Variants in ANKRD44 observed in about 807,000 individuals in gnomAD.
ANKRD44 encodes ankyrin repeat domain 44, also known as serine/threonine-protein phosphatase 6 regulatory ankyrin repeat subunit B.
A neutral mutation model predicts 116.0 loss-of-function variants in ANKRD44; 35 were observed. The ratio of observed to expected loss-of-function variants is 0.30; its 90% CI spans 0.23 to 0.40. The LOEUF (loss-of-function observed/expected upper bound fraction) is 0.40, where lower values mean the gene tolerates loss of function less well. Ranked by LOEUF, ANKRD44 falls within the 10% of genes least tolerant of loss-of-function variation. The probability of loss-of-function intolerance (pLI) is 1.00; values close to 1 mark genes in which losing one functional copy is unlikely to be tolerated. For missense variants in ANKRD44, 1,014 were observed against 1,242.6 expected (o/e 0.82, Z 2.77); for synonymous variants, 435 against 461.8 (o/e 0.94, Z 0.74).
intron 9 of ANKRD44, among the ~76,000 whole-genome samples, chr2:197,103,772 T>A (rs2078360373): frequency 6.6e-6 from 1 of 152,204 alleles, no homozygotes; most frequent in Non-Finnish European, 1.5e-5. Flanking sequence ...ATCTATAAAT[T>A]CACTGACTAT....
chr2:197,081,352 A>G (rs975248614), intron 15 of ANKRD44, among the ~76,000 whole-genome samples: 5 of 152,224 alleles, frequency 3.3e-5, no homozygotes, highest in African/African-American at 1.2e-4. Context: ...TCCTTGGTAC[A>G]TGATGCATCG....
chr2:196,975,825 G>T (rs1391089235), intron 21 of ANKRD44, among the ~76,000 whole-genome samples: 2 of 143,176 alleles, frequency 1.4e-5, no homozygotes, highest in African/African-American at 2.6e-5. Flanking sequence ...AAGAAAGAAA[G>T]AAAGAAAGAA....
chr2:197,268,695 A>G (rs182745592), intron 1 of ANKRD44, among the ~76,000 whole-genome samples: 17 of 152,192 alleles, frequency 1.1e-4, no homozygotes, highest in African/African-American at 3.6e-4. Flanking sequence ...GGTGAATGGG[A>G]TAAGGAGGGG....
chr2:197,260,230 C>T (rs1427292859), intron 1 of ANKRD44, among the ~76,000 whole-genome samples: 1 of 140,558 alleles, frequency 7.1e-6, no homozygotes, highest in Non-Finnish European at 1.6e-5. Flanking sequence ...GCTATCCTCC[C>T]CACTCCCCCC....
intron 1 of ANKRD44, among the ~76,000 whole-genome samples, chr2:197,257,448 C>A (rs759621789): frequency 2.0e-5 from 3 of 150,270 alleles, no homozygotes; most frequent in Non-Finnish European, 3.0e-5. Flanking sequence ...TATAAAACTT[C>A]GGGGAAAAAA....
rs761254223 is a variant in ANKRD44, at chr2:196,996,570, T to TA, written c.2749-1110dup. ...ATTCTGAGGCACTGCTGTTGGAAGGTAAACTGTTGTGACCTCGTAAGAGGG... is the reference window on the plus strand; with the variant it reads ...ATTCTGAGGCACTGCTGTTGGAAGGTAAAACTGTTGTGACCTCGTAAGAGGG... On this transcript the variant is annotated intron_variant, in intron 25 of 27. Coordinates refer to ENST00000282272, the MANE Select transcript of ANKRD44 (RefSeq NM_001195144.2). 1.1e-4 allele frequency among the ~76,000 whole-genome samples: 16 copies of TA among 152,300 alleles called. No individual in the cohort carries two copies. In the East Asian group the frequency reaches 1.5e-3, roughly 15 times the overall value.
chr2:197,005,731 G>A lies in ANKRD44; in HGVS notation c.2310C>T (p.Asn770=). Residue 770 remains asparagine, a synonymous_variant, in exon 21 of 28, where the codon AAC becomes AAT. Transcript: ENST00000282272. ...LSEEDCCFKD[N]QGYTPLHWAC... ...CCCAGTGCAGCGGCGTGTAGCCTTG[G>A]TTATCTTTGAAACAACAGTCCTCCT... The A allele has an allele frequency of 6.2e-7, 1 of 1,614,232 alleles. No homozygotes were observed. The highest frequency in any genetic ancestry group is 8.5e-7 in the Non-Finnish European group (1 of 1,180,038).
intron 27 of ANKRD44, chr2:196,990,008 T>C (rs1383531063): frequency 7.6e-6 from 8 of 1,053,022 alleles, no homozygotes; most frequent in Non-Finnish European, 1.1e-6. Flanking sequence ...AAGTGAAAAT[T>C]AGTCACAGGC....
intron 1 of ANKRD44, among the ~76,000 whole-genome samples, chr2:197,240,725 T>C (rs572904902): frequency 6.8e-6 from 1 of 147,938 alleles, no homozygotes; most frequent in Non-Finnish European, 1.5e-5. Flanking sequence ...TGTAAGATTT[T>C]ACTGTGAACA....
Position 196,993,599 on chromosome 2 carries a change from A to G in ANKRD44, c.2907T>C (p.Leu969=), listed in dbSNP as rs1214220470. Residue 969 remains leucine, a synonymous_variant, in exon 27 of 28, where the codon CTT becomes CTC. Transcript: ENST00000282272. ...EELLAKGACV[L]AVDENASRSN... ...TCCACTTACCATTTTCATCTACAGC[A>G]AGTACACAGGCCCCTTTGGCCAGCA... The G allele has an allele frequency of 6.4e-7, 1 of 1,551,010 alleles. No homozygotes were observed. The highest frequency in any genetic ancestry group is 8.7e-7 in the Non-Finnish European group (1 of 1,147,046).
chr2:197,034,345 T>G (rs574040769), intron 16 of ANKRD44, among the ~76,000 whole-genome samples: 1 of 152,074 alleles, frequency 6.6e-6, no homozygotes, highest in East Asian at 1.9e-4. Flanking sequence ...AAACTAGTCA[T>G]AACTTTCTTG....
chr2:196,983,864 G>A (rs1366788999), downstream of ANKRD44, among the ~76,000 whole-genome samples: 3 of 152,174 alleles, frequency 2.0e-5, no homozygotes, highest in Non-Finnish European at 4.4e-5. Context: ...CCCCCACTGG[G>A]AAAGTAGATA....
At chr2:197,098,527 C>T (rs2125217838) in intron 10 of ANKRD44, among the ~76,000 whole-genome samples, 1 of 152,304 alleles carries the variant, frequency 6.6e-6, no homozygotes, top group South Asian at 2.1e-4. Flanking sequence ...GTTACAGACT[C>T]TGATCAAGGC....
intron 17 of ANKRD44, among the ~76,000 whole-genome samples, chr2:197,016,697 T>C (rs1431644273): frequency 2.0e-5 from 3 of 152,168 alleles, no homozygotes. Flanking sequence ...GTGAATTTAA[T>C]AGCATTAAGA....
intron 1 of ANKRD44, among the ~76,000 whole-genome samples, chr2:197,247,655 T>C (rs1000066462): frequency 6.6e-6 from 1 of 152,124 alleles, no homozygotes; most frequent in Admixed American, 6.5e-5. Context: ...ATTATTCCCA[T>C]TTGGCTGATG....
chr2:197,103,058 T>C (rs534535385), intron 9 of ANKRD44, among the ~76,000 whole-genome samples: 4 of 151,882 alleles, frequency 2.6e-5, no homozygotes, highest in African/African-American at 7.3e-5. Context: ...TGAAACCCCA[T>C]CTCTACCAAA....
intron 16 of ANKRD44, among the ~76,000 whole-genome samples, chr2:197,031,130 AT>A (rs1173015302): frequency 1.3e-5 from 2 of 151,958 alleles, no homozygotes; most frequent in Non-Finnish European, 2.9e-5. Context: ...CGGAAAACAC[AT>A]TTTAAAACCA....
chr2:197,111,448 G>A (rs570638088), intron 8 of ANKRD44, among the ~76,000 whole-genome samples: 17 of 152,190 alleles, frequency 1.1e-4, no homozygotes, highest in African/African-American at 4.1e-4. Context: ...AGAACAGCCC[G>A]GCCAACATGG....
intron 1 of ANKRD44, among the ~76,000 whole-genome samples, chr2:197,230,749 G>T (rs557507254): frequency 3.3e-5 from 5 of 152,172 alleles, no homozygotes; most frequent in African/African-American, 1.2e-4. Flanking sequence ...ACTGGTGGAG[G>T]GCTGTGCTCC....
Sources: allele counts gnomAD v4.1 joint callset (sites outside exome capture counted in the v4.1 genomes callset), GRCh38; gene constraint gnomAD v4.1.1; transcripts MANE v1.5; gene names NCBI Gene and HGNC (gene_info 2026-07-23, HGNC 2026-07-21).